NFIB: variants seen among roughly 807,000 people sequenced by gnomAD.
The protein encoded by NFIB is nuclear factor I B.
In NFIB, 11 loss-of-function variants were observed where a neutral mutation model predicts 61.5. That is an observed-to-expected ratio of 0.18 (90% CI 0.11 to 0.30). NFIB has a LOEUF of 0.30. Among genes scored for constraint, NFIB ranks in the 10% least tolerant of loss-of-function variants. NFIB has a pLI of 1.00. For missense variants in NFIB, 471 were observed against 608.9 expected, an observed-to-expected ratio of 0.77 and a Z score of 2.38; for synonymous variants, 260 against 216.5, an observed-to-expected ratio of 1.20 and a Z score of -1.76.
At chr9:14,259,727 C>T (rs1332521027) in intron 2 of NFIB, among the ~76,000 whole-genome samples, 1 of 151,920 alleles carries the variant, frequency 6.6e-6, no homozygotes, top group Non-Finnish European at 1.5e-5. Flanking sequence ...ATGGTGAAAT[C>T]CTGTCTCTAC....
chr9:14,270,916 T>G (rs1214518122), intron 2 of NFIB, among the ~76,000 whole-genome samples: 5 of 152,114 alleles, frequency 3.3e-5, no homozygotes, highest in Non-Finnish European at 7.4e-5. Flanking sequence ...CCGTAGGCCC[T>G]TCAAAAATTG....
intron 2 of NFIB, among the ~76,000 whole-genome samples, chr9:14,288,061 A>T (rs2058834164): frequency 6.6e-6 from 1 of 152,156 alleles, no homozygotes. Flanking sequence ...TAAATACAGT[A>T]TATTTGCAGA....
intron 1 of NFIB, among the ~76,000 whole-genome samples, chr9:14,380,968 C>T (rs1377261271): frequency 6.7e-6 from 1 of 150,150 alleles, no homozygotes; most frequent in African/African-American, 2.5e-5. Flanking sequence ...TTAAATTTTC[C>T]TCCTTCATTG....
At chr9:14,295,491 C>T (rs535872698) in intron 2 of NFIB, among the ~76,000 whole-genome samples, 101 of 151,956 alleles carry the variant, frequency 6.6e-4, no homozygotes, top group African/African-American at 2.4e-3. Flanking sequence ...CTCAGCCGGG[C>T]GTGGGGAAGG....
the NFIB span, among the ~76,000 whole-genome samples, chr9:14,410,270 G>A: frequency 1.3e-5 from 2 of 150,738 alleles, no homozygotes; most frequent in African/African-American, 2.4e-5. Context: ...ATTGTTATAT[G>A]TTTGCAATCT....
the NFIB span, among the ~76,000 whole-genome samples, chr9:14,432,493 G>C: frequency 6.6e-6 from 1 of 152,192 alleles, no homozygotes; most frequent in Non-Finnish European, 1.5e-5. Context: ...CTTCAAATGA[G>C]AAATTCATTG....
chr9:14,369,205 C>T (rs904973789), intron 1 of NFIB, among the ~76,000 whole-genome samples: 8 of 152,260 alleles, frequency 5.3e-5, no homozygotes, highest in Non-Finnish European at 1.0e-4. Context: ...AGTAGTATGA[C>T]GATCAGCGTT....
intron 2 of NFIB, among the ~76,000 whole-genome samples, chr9:14,287,848 A>G (rs1588140786): frequency 6.6e-6 from 1 of 152,252 alleles, no homozygotes; most frequent in South Asian, 2.1e-4. Context: ...GTGTGTCACT[A>G]GATCAGCCCA....
At chr9:14,454,114 G>C in the NFIB span, among the ~76,000 whole-genome samples, 1 of 152,128 alleles carries the variant, frequency 6.6e-6, no homozygotes, top group African/African-American at 2.4e-5. Context: ...CAAACATATA[G>C]GTAGTGTAAA....
chr9:14,204,346 G>A lies in NFIB; in HGVS notation c.563-24566C>T, dbSNP rs533523731. ...AGAAAGTGGTCAACCCCCTGTTTGAGAAAAGGCCTAAGAATTTTGGCATTA... is the reference window on the plus strand; with the variant it reads ...AGAAAGTGGTCAACCCCCTGTTTGAAAAAAGGCCTAAGAATTTTGGCATTA... On this transcript the variant is annotated intron_variant, in intron 2 of 10. Coordinates refer to ENST00000380953, the MANE Select transcript of NFIB (RefSeq NM_001190737.2). 35 of 809,542 alleles carry A rather than the reference G, an allele frequency of 4.3e-5. No homozygotes were observed. In the East Asian group the frequency reaches 8.6e-4, roughly 20 times the overall value. The allele number at this position is 809,542 out of a possible 1,614,324, so 50.1% of individuals were successfully genotyped here.
At chr9:14,256,158 CCTCT>C (rs1246149134) in intron 2 of NFIB, among the ~76,000 whole-genome samples, 3 of 152,164 alleles carry the variant, frequency 2.0e-5, no homozygotes, top group Admixed American at 6.5e-5. Context: ...GAAGCCTCTC[CCTCT>C]AACAATATTC....
chr9:14,469,802 A>G, the NFIB span, among the ~76,000 whole-genome samples: 1 of 152,136 alleles, frequency 6.6e-6, no homozygotes, highest in Non-Finnish European at 1.5e-5. Context: ...GAGGTCTCCA[A>G]CTCAAACTAA....
chr9:14,377,080 A>C (rs2061429116), intron 1 of NFIB, among the ~76,000 whole-genome samples: 2 of 152,246 alleles, frequency 1.3e-5, no homozygotes, highest in Admixed American at 6.5e-5. Context: ...AAGCAATAAT[A>C]AGTAAACGGT....
the NFIB span, among the ~76,000 whole-genome samples, chr9:14,477,794 T>C: frequency 6.6e-6 from 1 of 152,210 alleles, no homozygotes; most frequent in South Asian, 2.1e-4. Context: ...AAGGTTTTGT[T>C]TTGTTGTTAT....
At chr9:14,469,828 G>C in the NFIB span, among the ~76,000 whole-genome samples, 3 of 152,216 alleles carry the variant, frequency 2.0e-5, no homozygotes, top group Non-Finnish European at 4.4e-5. Flanking sequence ...GGAAGGGATT[G>C]AGGAAGAACA....
intron 2 of NFIB, among the ~76,000 whole-genome samples, chr9:14,210,182 G>A (rs935489927): frequency 2.0e-5 from 3 of 152,070 alleles, no homozygotes; most frequent in African/African-American, 7.2e-5. Context: ...TTGGAAAAAG[G>A]ATTCTGTATT....
chr9:14,123,272 G>GA (rs919334795), intron 7 of NFIB, among the ~76,000 whole-genome samples: 9 of 147,924 alleles, frequency 6.1e-5, no homozygotes, highest in Admixed American at 1.3e-4. Flanking sequence ...AAAAGAAAAA[G>GA]AAAAAAAAAT....
At chr9:14,435,821 C>T in the NFIB span, among the ~76,000 whole-genome samples, 1 of 152,188 alleles carries the variant, frequency 6.6e-6, no homozygotes, top group Non-Finnish European at 1.5e-5. Context: ...ACCTCATCGG[C>T]CTCAGAACCA....
chr9:14,372,205 G>C (rs191914607), intron 1 of NFIB, among the ~76,000 whole-genome samples: 7 of 151,948 alleles, frequency 4.6e-5, no homozygotes, highest in Non-Finnish European at 8.8e-5. Flanking sequence ...AAAGCAGAAC[G>C]ATTTTTCGTG....
Sources: gnomAD v4.1 joint callset for allele counts (sites outside exome capture counted in the v4.1 genomes callset) on GRCh38, gnomAD v4.1.1 for gene constraint, MANE v1.5 for transcripts, NCBI Gene and HGNC (gene_info 2026-07-23, HGNC 2026-07-21) for gene names.